The following NALCN variants were observed in gnomAD, a reference collection of about 807,000 sequenced individuals.
NALCN encodes the protein sodium leak channel, non-selective, also known as sodium leak channel NALCN.
In NALCN, 111 loss-of-function variants were observed where a neutral mutation model predicts 225.3. The ratio of observed to expected loss-of-function variants is 0.49; its 90% CI spans 0.42 to 0.58. NALCN has a LOEUF of 0.58. Among genes scored for constraint, NALCN ranks in the 20% least tolerant of loss-of-function variants. The pLI, the probability that NALCN is intolerant of heterozygous loss-of-function variation, is 0.00. For synonymous variants in NALCN, 764 were observed against 769.0 expected, an observed-to-expected ratio of 0.99 and a Z score of 0.11; for missense variants, 1,378 against 2,202.4, an observed-to-expected ratio of 0.63 and a Z score of 7.49.
At chr13:101,287,381 G>C (rs1424912386) in intron 9 of NALCN, among the ~76,000 whole-genome samples, 1 of 152,178 alleles carries the variant, frequency 6.6e-6, no homozygotes, top group Non-Finnish European at 1.5e-5. Context: ...AAAGGTGGTA[G>C]CATCTCATGC....
rs940517095 is a variant in NALCN at position 101,214,194 on chromosome 13, G to A, written c.1626+15199C>T. Among the ~76,000 whole-genome samples, 3 of 151,160 alleles carry A rather than the reference G, an allele frequency of 2.0e-5. No homozygotes were observed. In the Admixed American group the frequency reaches 2.0e-4, roughly 10 times the overall value. ...ATCATTCTGAGCAAACTATCGCAAG[G>A]ACAGAAAACCAAACACTGCATGTTC... On this transcript the variant is annotated intron_variant, in intron 13 of 43. Transcript: ENST00000251127.
intron 9 of NALCN, among the ~76,000 whole-genome samples, chr13:101,287,337 C>A (rs1229732294): frequency 6.6e-6 from 1 of 152,160 alleles, no homozygotes; most frequent in Non-Finnish European, 1.5e-5. Flanking sequence ...ACAAAGACAG[C>A]ATGTTGACAG....
rs1359664258 is a variant in NALCN, at chr13:101,054,522, G to T, written c.*773C>A. ...TTTTTGCTAAACTCAGTTATTAAAA[G>T]GTTTCTTAAGAAACTTAACATCTTT... On this transcript the variant is annotated 3_prime_UTR_variant, in exon 44 of 44. Coordinates refer to ENST00000251127, the MANE Select transcript of NALCN (RefSeq NM_052867.4). The T allele has an allele frequency of 6.6e-6, 1 of 152,088 alleles. No individual in the cohort carries two copies. Among genetic ancestry groups the T allele is most frequent in the African/African-American group, 2.4e-5 (1 of 41,398 alleles). The allele number at this position is 152,088 out of a possible 1,614,324, so 9.4% of individuals were successfully genotyped here.
At chr13:101,055,510 T>C in intron 43 of NALCN, 22 bp from the exon 44 acceptor site, 6 of 1,605,982 alleles carry the variant, frequency 3.7e-6, no homozygotes, top group Non-Finnish European at 5.1e-6. Context: ...ATGAGTCCTA[T>C]GAGCCACTTG....
intron 22 of NALCN, among the ~76,000 whole-genome samples, chr13:101,105,642 A>AG (rs2035056168): frequency 6.6e-6 from 1 of 151,932 alleles, no homozygotes; most frequent in African/African-American, 2.4e-5. Flanking sequence ...GATAAAAAAA[A>AG]CGTACTTCAA....
chr13:101,314,233 G>C (rs1192396415), intron 7 of NALCN, among the ~76,000 whole-genome samples: 1 of 151,678 alleles, frequency 6.6e-6, no homozygotes, highest in African/African-American at 2.4e-5. Flanking sequence ...AATGGGTGCA[G>C]CACACTAACA....
intron 26 of NALCN, among the ~76,000 whole-genome samples, chr13:101,101,281 C>CT (rs60948311): frequency 0.16 from 18,064 of 111,976 alleles, 3,205 homozygotes; most frequent in African/African-American, 0.38. Flanking sequence ...ATTTTTTTTT[C>CT]TTTTTTTTTT....
intron 1 of NALCN, among the ~76,000 whole-genome samples, chr13:101,409,603 T>G (rs1358125308): frequency 1.3e-5 from 2 of 152,202 alleles, no homozygotes; most frequent in Non-Finnish European, 2.9e-5. Flanking sequence ...GGGATACTTA[T>G]TTTGATTGTG....
intron 7 of NALCN, among the ~76,000 whole-genome samples, chr13:101,301,675 C>T (rs1341223670): frequency 2.0e-5 from 3 of 148,898 alleles, no homozygotes; most frequent in Non-Finnish European, 3.0e-5. Context: ...GAGCCGAGAT[C>T]ACACCACCGC....
At chr13:101,281,395 T>A (rs2043163835) in intron 10 of NALCN, among the ~76,000 whole-genome samples, 1 of 152,212 alleles carries the variant, frequency 6.6e-6, no homozygotes, top group Non-Finnish European at 1.5e-5. Context: ...ACATAGTTGG[T>A]ACTCAGTAAA....
At chr13:101,176,809 A>T (rs549027174) in intron 14 of NALCN, among the ~76,000 whole-genome samples, 1 of 152,310 alleles carries the variant, frequency 6.6e-6, no homozygotes, top group East Asian at 1.9e-4. Flanking sequence ...GATTTATGTG[A>T]TAAGATACAT....
At chr13:101,286,240 T>C (rs2043333967) in intron 9 of NALCN, among the ~76,000 whole-genome samples, 1 of 152,194 alleles carries the variant, frequency 6.6e-6, no homozygotes, top group Non-Finnish European at 1.5e-5. Flanking sequence ...CAGTCTTTCC[T>C]TTGTATCTCT....
chr13:101,141,120 TAG>T (rs2037056780), intron 17 of NALCN, among the ~76,000 whole-genome samples: 1 of 151,784 alleles, frequency 6.6e-6, no homozygotes. Context: ...AGAACAAAAA[TAG>T]AGAGATGGCA....
intron 15 of NALCN, 142 bp from the exon 16 acceptor site, chr13:101,145,038 C>T (rs1397714330): frequency 1.6e-5 from 13 of 796,420 alleles, no homozygotes; most frequent in Non-Finnish European, 2.3e-5. Flanking sequence ...CCAAGTATAC[C>T]TCTCTTGCCC....
chr13:101,362,304 T>A (rs1418013888), intron 6 of NALCN, among the ~76,000 whole-genome samples: 1 of 152,064 alleles, frequency 6.6e-6, no homozygotes. Flanking sequence ...GAATGTAGAA[T>A]TAAAATACAG....
At chr13:101,106,199 C>T (rs763990844) in intron 22 of NALCN, among the ~76,000 whole-genome samples, 28 of 152,034 alleles carry the variant, frequency 1.8e-4, no homozygotes, top group Admixed American at 3.9e-4. Context: ...CAAATGTTCT[C>T]TTAAGGAAAC....
At chr13:101,283,119 T>A (rs1011211197) in intron 10 of NALCN, among the ~76,000 whole-genome samples, 35 of 152,118 alleles carry the variant, frequency 2.3e-4, no homozygotes, top group African/African-American at 8.0e-4. Context: ...GGTGGAAGAA[T>A]CAATTCTCCG....
At chr13:101,272,543 C>A (rs2042831400) in intron 10 of NALCN, among the ~76,000 whole-genome samples, 1 of 152,146 alleles carries the variant, frequency 6.6e-6, no homozygotes, top group South Asian at 2.1e-4. Context: ...GTTGAGGAAG[C>A]ACTGACCTGA....
chr13:101,377,835 C>G (rs1303966235), intron 4 of NALCN, among the ~76,000 whole-genome samples: 1 of 151,692 alleles, frequency 6.6e-6, no homozygotes, highest in African/African-American at 2.4e-5. Context: ...CAAAACAGAT[C>G]AAATCAAATC....
Sources: gnomAD v4.1 joint callset for allele counts (sites outside exome capture counted in the v4.1 genomes callset) on GRCh38, gnomAD v4.1.1 for gene constraint, MANE v1.5 for transcripts, NCBI Gene and HGNC (gene_info 2026-07-23, HGNC 2026-07-21) for gene names.